SNTG1: variants seen among roughly 807,000 people sequenced by gnomAD.
The protein encoded by SNTG1 is syntrophin gamma 1.
Under a neutral mutation model 74.7 loss-of-function variants are expected in SNTG1, and 39 were observed. That is an observed-to-expected ratio of 0.52 (90% confidence interval 0.40 to 0.68). SNTG1 has a LOEUF of 0.68. Among genes scored for constraint, SNTG1 ranks in the 30% least tolerant of loss-of-function variants. The pLI, the probability that SNTG1 is intolerant of heterozygous loss-of-function variation, is 0.00. For missense variants in SNTG1, 685 were observed against 609.5 expected (o/e 1.12, Z -1.30); for synonymous variants, 254 against 217.1 (o/e 1.17, Z -1.49).
chr8:50,432,897 T>A (rs2131534722), intron 4 of SNTG1, among the ~76,000 whole-genome samples: 1 of 152,238 alleles, frequency 6.6e-6, no homozygotes, highest in East Asian at 1.9e-4. Context: ...TTCAAACGAT[T>A]CTCCTGTCTC....
chr8:50,687,832 T>C (rs2095359436), intron 15 of SNTG1, among the ~76,000 whole-genome samples: 1 of 152,198 alleles, frequency 6.6e-6, no homozygotes, highest in African/African-American at 2.4e-5. Context: ...TTTGGTTTTT[T>C]GTCCTTGCGA....
At chr8:49,984,167 G>T (rs887867444) in intron 1 of SNTG1, among the ~76,000 whole-genome samples, 46 of 152,028 alleles carry the variant, frequency 3.0e-4, no homozygotes, top group African/African-American at 9.4e-4. Context: ...ATTTCTCTTG[G>T]ATTGGATAGG....
Position 50,123,511 on chromosome 8 carries a change from C to G in SNTG1, c.-102-49050C>G, listed in dbSNP as rs1404426005. 1.4e-5 allele frequency among the ~76,000 whole-genome samples: 2 copies of G among 142,418 alleles called. 1 individual carries two copies. Among genetic ancestry groups the G allele is most frequent in the African/African-American group, 5.1e-5 (2 of 39,370 alleles). 93.4% of individuals were successfully genotyped at this position (142,418 alleles called of 152,430 possible). On this transcript the variant is annotated intron_variant, in intron 1 of 18. Transcript: ENST00000642720. ...TAAAGAGATCAGGCATTTAGAACAT[C>G]TTTACATTAAGAAAGCAAGAGTATG...
chr8:50,660,625 T>G (rs1346634740), intron 15 of SNTG1, among the ~76,000 whole-genome samples: 2 of 152,130 alleles, frequency 1.3e-5, no homozygotes, highest in African/African-American at 4.8e-5. Flanking sequence ...ACGCAACACA[T>G]ATTTATATAT....
chr8:50,475,073 G>A lies in SNTG1; in HGVS notation c.363+24344G>A, dbSNP rs539480174. ...AGGGGAACATCACACACTGGGGACT[G>A]TTGTGGGGTGGGGGGAGGGGGGAGG... On this transcript the variant is annotated intron_variant, in intron 8 of 18. Transcript: ENST00000642720. Among the ~76,000 whole-genome samples the A allele has an allele frequency of 1.2e-4, 14 of 112,308 alleles. No homozygotes were observed. The Admixed American group carries it at 1.4e-3, about 11-fold the overall frequency. The allele number at this position is 112,308 out of a possible 152,430, so 73.7% of individuals were successfully genotyped here.
intron 13 of SNTG1, among the ~76,000 whole-genome samples, chr8:50,596,862 C>G (rs889542467): frequency 3.4e-4 from 51 of 151,928 alleles, no homozygotes; most frequent in African/African-American, 1.2e-3. Flanking sequence ...TATAATGAGT[C>G]AATCAGAGTA....
intron 2 of SNTG1, among the ~76,000 whole-genome samples, chr8:50,325,350 G>A (rs539546103): frequency 2.8e-4 from 43 of 151,844 alleles, no homozygotes; most frequent in Non-Finnish European, 4.6e-4. Context: ...TCCATAAATA[G>A]AAAACAATAC....
chr8:50,438,145 T>A (rs1473888976), intron 4 of SNTG1, among the ~76,000 whole-genome samples: 1 of 152,144 alleles, frequency 6.6e-6, no homozygotes, highest in African/African-American at 2.4e-5. Context: ...GGGCCATGGT[T>A]TACCAGGATC....
At chr8:50,165,761 A>G (rs913315690) in intron 1 of SNTG1, among the ~76,000 whole-genome samples, 1 of 152,214 alleles carries the variant, frequency 6.6e-6, no homozygotes, top group Non-Finnish European at 1.5e-5. Context: ...ATGTTGATAC[A>G]TACATTTGTC....
At chr8:50,520,021 T>C (rs1008615300) in intron 9 of SNTG1, among the ~76,000 whole-genome samples, 2 of 152,126 alleles carry the variant, frequency 1.3e-5, no homozygotes, top group African/African-American at 4.8e-5. Flanking sequence ...GGAGGCATCA[T>C]GCTACCTGAC....
At chr8:50,113,653 T>A (rs2080695906) in intron 1 of SNTG1, among the ~76,000 whole-genome samples, 1 of 152,196 alleles carries the variant, frequency 6.6e-6, no homozygotes, top group Non-Finnish European at 1.5e-5. Flanking sequence ...GGCATCCCTG[T>A]CTTGTGCCAG....
chr8:50,139,354 A>T (rs1488068923), intron 1 of SNTG1, among the ~76,000 whole-genome samples: 1 of 152,198 alleles, frequency 6.6e-6, no homozygotes, highest in African/African-American at 2.4e-5. Flanking sequence ...TGTATGCATA[A>T]TTTCTAAATA....
Position 50,259,505 on chromosome 8 carries a change from AAAAAAAGAAAG to A in SNTG1, c.-28+86874_-28+86884del, listed in dbSNP as rs1457615353. Among the ~76,000 whole-genome samples the A allele has an allele frequency of 5.2e-4, 12 of 23,272 alleles. 1 individual carries two copies. In the South Asian group the frequency reaches 0.015, roughly 29 times the overall value. 15.3% of individuals were successfully genotyped at this position (23,272 alleles called of 152,430 possible). A position where few individuals can be genotyped will look rare whatever the true frequency, so the allele number is the denominator to read the frequency against. On this transcript the variant is annotated intron_variant, in intron 2 of 18. Transcript: ENST00000642720. ...CAGAGAGAGACGCTGTCTCAAAAAAAAAAAAAGAAAGAAAGAAAGAAAGAAAGAAAGAAAGA... is the reference window on the plus strand; with the variant it reads ...CAGAGAGAGACGCTGTCTCAAAAAAAAAAGAAAGAAAGAAAGAAAGAAAGA...
intron 15 of SNTG1, among the ~76,000 whole-genome samples, chr8:50,688,733 A>G (rs946731661): frequency 2.0e-5 from 3 of 152,030 alleles, no homozygotes; most frequent in African/African-American, 4.8e-5. Flanking sequence ...TTGACTTGGC[A>G]ATGCGGGCTA....
At chr8:50,251,348 G>A (rs574492160) in intron 2 of SNTG1, among the ~76,000 whole-genome samples, 17 of 151,772 alleles carry the variant, frequency 1.1e-4, no homozygotes, top group African/African-American at 2.7e-4. Flanking sequence ...CCAAGAAATC[G>A]TTAACAAACT....
chr8:49,944,510 T>C (rs1051038783), intron 1 of SNTG1, among the ~76,000 whole-genome samples: 1 of 136,356 alleles, frequency 7.3e-6, no homozygotes, highest in South Asian at 2.3e-4. Flanking sequence ...TTCTCACTCA[T>C]AGGTGGGAAT....
chr8:50,451,834 G>A (rs964685928), intron 8 of SNTG1, among the ~76,000 whole-genome samples: 10 of 152,222 alleles, frequency 6.6e-5, no homozygotes, highest in Admixed American at 1.3e-4. Context: ...CATGTCTGTC[G>A]TGGTTGAATA....
chr8:50,420,486 A>G (rs993890416), intron 4 of SNTG1, among the ~76,000 whole-genome samples: 5 of 152,152 alleles, frequency 3.3e-5, no homozygotes, highest in African/African-American at 9.7e-5. Flanking sequence ...AAATATAAGA[A>G]AAGTATTTCA....
At chr8:50,543,621 T>A (rs1419525189) in intron 11 of SNTG1, among the ~76,000 whole-genome samples, 3 of 152,206 alleles carry the variant, frequency 2.0e-5, no homozygotes, top group Non-Finnish European at 4.4e-5. Flanking sequence ...TGCTTCCGGT[T>A]TTTGATTATT....
Sources: allele counts gnomAD v4.1 joint callset (sites outside exome capture counted in the v4.1 genomes callset), GRCh38; gene constraint gnomAD v4.1.1; transcripts MANE v1.5; gene names NCBI Gene and HGNC (gene_info 2026-07-23, HGNC 2026-07-21).